Variants in PRKAR1A observed in about 807,000 individuals in gnomAD.
PRKAR1A encodes protein kinase cAMP-dependent type I regulatory subunit alpha, also known as cAMP-dependent protein kinase type I-alpha regulatory subunit.
In PRKAR1A, 3 loss-of-function variants were observed where a neutral mutation model predicts 52.0. The observed-to-expected ratio is 0.06, with a 90% CI of 0.03 to 0.15. The LOEUF is 0.15. Ranked by LOEUF, PRKAR1A falls within the 10% of genes least tolerant of loss-of-function variation. The pLI is 1.00. For missense variants in PRKAR1A, 240 were observed against 477.4 expected, an observed-to-expected ratio of 0.50 and a Z score of 4.63; for synonymous variants, 188 against 168.4, an observed-to-expected ratio of 1.12 and a Z score of -0.90.
chr17:68,427,149 G>A, the PRKAR1A span: 3 of 1,614,000 alleles, frequency 1.9e-6, no homozygotes, highest in Non-Finnish European at 2.5e-6. Flanking sequence ...CACCGTGGAG[G>A]CTGAAGATGC....
At chr17:68,475,195 A>T in the PRKAR1A span, among the ~76,000 whole-genome samples, 1 of 151,664 alleles carries the variant, frequency 6.6e-6, no homozygotes, top group Non-Finnish European at 1.5e-5. Context: ...TTAACCTAAT[A>T]AAAAAAATCT....
the PRKAR1A span, among the ~76,000 whole-genome samples, chr17:68,425,678 C>T: frequency 6.6e-6 from 1 of 152,160 alleles, no homozygotes; most frequent in East Asian, 1.9e-4. Context: ...CCCTCCAGCA[C>T]AAGGAAGGCA....
the PRKAR1A span, among the ~76,000 whole-genome samples, chr17:68,479,688 C>T: frequency 1.3e-5 from 2 of 152,094 alleles, no homozygotes; most frequent in African/African-American, 4.8e-5. Context: ...ATTTAACATC[C>T]TGTTTAACTA....
At chr17:68,436,527 A>G in the PRKAR1A span, 2 of 1,570,090 alleles carry the variant, frequency 1.3e-6, no homozygotes, top group South Asian at 1.1e-5. Flanking sequence ...CAAGGGAGAG[A>G]TTGCACGGCT....
At chr17:68,525,341 A>G (rs891322807) in intron 6 of PRKAR1A, among the ~76,000 whole-genome samples, 1 of 151,004 alleles carries the variant, frequency 6.6e-6, no homozygotes, top group Non-Finnish European at 1.5e-5. Flanking sequence ...AGCTAGCAAA[A>G]TTAATATACC....
intron 11 of PRKAR1A, among the ~76,000 whole-genome samples, chr17:68,549,618 C>T (rs1272752117): frequency 1.3e-5 from 2 of 152,132 alleles, no homozygotes; most frequent in East Asian, 1.9e-4. Context: ...TTATGCTTCT[C>T]ATTAACATCT....
downstream of PRKAR1A, among the ~76,000 whole-genome samples, chr17:68,537,901 A>G (rs534446744): frequency 6.6e-6 from 1 of 152,308 alleles, no homozygotes; most frequent in East Asian, 1.9e-4. This position sits in a 1 kb window ranked among gnomAD's most constrained non-coding sequence, Gnocchi z 4.2. Context: ...AAAGGGAACA[A>G]ATGAAAGGCA....
the PRKAR1A span, chr17:68,427,413 G>A: frequency 1.9e-6 from 1 of 529,798 alleles, no homozygotes. Context: ...CTGGAGTGCA[G>A]TGGCGCAATC....
intron 11 of PRKAR1A, among the ~76,000 whole-genome samples, chr17:68,544,021 G>A (rs1254102661): frequency 1.3e-5 from 2 of 152,174 alleles, no homozygotes; most frequent in Non-Finnish European, 2.9e-5. Context: ...CAGCAGTTGA[G>A]AGGGAAGAAA....
chr17:68,476,386 TC>T, the PRKAR1A span, among the ~76,000 whole-genome samples: 3 of 152,084 alleles, frequency 2.0e-5, no homozygotes, highest in South Asian at 4.1e-4. Context: ...GTCTCCATTT[TC>T]CCCCTTTCTT....
At chr17:68,462,921 A>G in the PRKAR1A span, among the ~76,000 whole-genome samples, 10 of 152,210 alleles carry the variant, frequency 6.6e-5, no homozygotes, top group Non-Finnish European at 1.2e-4. Context: ...CCAAGGGTAC[A>G]TCTAGAAATA....
At chr17:68,549,787 AAG>A (rs1188146063) in intron 11 of PRKAR1A, among the ~76,000 whole-genome samples, 3 of 151,016 alleles carry the variant, frequency 2.0e-5, no homozygotes, top group African/African-American at 5.0e-5. Context: ...CATTGTGCCA[AAG>A]AGTCACATGT....
the PRKAR1A span, chr17:68,426,287 G>A: frequency 1.2e-6 from 1 of 825,120 alleles, no homozygotes; most frequent in Non-Finnish European, 2.0e-6. Flanking sequence ...CAAAGGGGCT[G>A]TCTGTCTTCC....
chr17:68,450,857 G>A, the PRKAR1A span: 1 of 1,614,070 alleles, frequency 6.2e-7, no homozygotes, highest in East Asian at 2.2e-5. Context: ...CCAGGCTGCT[G>A]GAGAAGAGGC....
chr17:68,478,414 T>G, the PRKAR1A span, among the ~76,000 whole-genome samples: 1 of 152,120 alleles, frequency 6.6e-6, no homozygotes, highest in Non-Finnish European at 1.5e-5. Context: ...ATCACACCAC[T>G]GCACTTCAGC....
downstream of PRKAR1A, chr17:68,537,808 T>C (rs1175362157): frequency 3.3e-6 from 5 of 1,535,606 alleles, no homozygotes; most frequent in African/African-American, 5.5e-5. The surrounding 1 kb of genome is among the most constrained non-coding windows in gnomAD (Gnocchi z 4.2). Context: ...TGAACTTCTT[T>C]CCCCACAAAC....
chr17:68,525,642 G>GT (rs2085766040), intron 6 of PRKAR1A, 112 bp from the exon 7 acceptor site: 3 of 1,219,060 alleles, frequency 2.5e-6, no homozygotes, highest in African/African-American at 1.5e-5. Flanking sequence ...AATATATTCT[G>GT]TTTTTTAAAA....
At chr17:68,524,866 T>A in intron 5 of PRKAR1A, 46 bp from the exon 6 acceptor site, 1 of 1,434,632 alleles carries the variant, frequency 7.0e-7, no homozygotes, top group Non-Finnish European at 9.8e-7. Context: ...TGATAATTTC[T>A]TTCTTTAATT....
At chr17:68,514,655 A>G (rs926994110) in intron 1 of PRKAR1A, among the ~76,000 whole-genome samples, 4 of 152,248 alleles carry the variant, frequency 2.6e-5, no homozygotes, top group Admixed American at 6.5e-5. Flanking sequence ...GTCAAGATGA[A>G]GAAAATATTT....
Sources: allele counts gnomAD v4.1 joint callset (sites outside exome capture counted in the v4.1 genomes callset), GRCh38; gene constraint gnomAD v4.1.1; non-coding constraint Gnocchi (gnomAD v3.1); transcripts MANE v1.5; gene names NCBI Gene and HGNC (gene_info 2026-07-23, HGNC 2026-07-21).